Variants in ZNF226 observed in about 807,000 individuals in gnomAD.
The protein encoded by ZNF226 is Kruppel-associated box protein.
Under a neutral mutation model 11.4 loss-of-function variants are expected in ZNF226, and 6 were observed. The ratio of observed to expected loss-of-function variants is 0.53; its 90% confidence interval spans 0.29 to 1.04. The LOEUF is 1.04. Ranked by LOEUF, ZNF226 falls within the 50% of genes least tolerant of loss-of-function variation. The probability of loss-of-function intolerance (pLI) is 0.08; values close to 1 mark genes in which losing one functional copy is unlikely to be tolerated. For missense variants in ZNF226, 1,058 were observed against 956.5 expected, an observed-to-expected ratio of 1.11 and a Z score of -1.40; for synonymous variants, 350 against 322.8, an observed-to-expected ratio of 1.08 and a Z score of -0.90.
chr19:44,170,200 T>C, intron 3 of ZNF226, 105 bp downstream of exon 3: 1 of 1,135,636 alleles, frequency 8.8e-7, no homozygotes, highest in Non-Finnish European at 1.3e-6. Flanking sequence ...TCTGATGACC[T>C]GTTGAGTGTG....
At position 44,175,763 on chromosome 19, in the gene ZNF226, G is replaced by C; in HGVS notation, c.501G>C (p.Leu167Phe). 6.2e-7 allele frequency: 1 copy of C among 1,613,582 alleles called. No individual in the cohort carries two copies. The highest frequency in any genetic ancestry group is 8.5e-7 in the Non-Finnish European group (1 of 1,179,708). Residue 167 changes from leucine to phenylalanine, a missense_variant, in exon 6 of 6, where the codon TTG becomes TTC. Coordinates refer to ENST00000337433, the MANE Select transcript of ZNF226 (RefSeq NM_001032373.2). ...CTGGGAATCCAGAGTTTCCTATCTT[G>C]AGAACCCAGGATTCTTGGAGGAAAA... ...NNTGNPEFPI[L>F]RTQDSWRKTF...
At chr19:44,174,925 A>G (rs1970540729) in intron 5 of ZNF226, 1 of 1,504,616 alleles carries the variant, frequency 6.6e-7, no homozygotes. Context: ...CCCCTACCTC[A>G]GGTACAGCTT....
chr19:44,176,779 A>G lies in ZNF226; in HGVS notation c.1517A>G (p.Asn506Ser), dbSNP rs372362519. 35 of 1,613,978 alleles carry G rather than the reference A, an allele frequency of 2.2e-5. No individual in the cohort carries two copies. Among genetic ancestry groups the G allele is most frequent in the Middle Eastern group, 1.6e-4 (1 of 6,084 alleles). The change falls in exon 6 of 6, where the codon AAT (asparagine) becomes AGT (serine). Residue 506 changes from asparagine (N) to serine (S), a missense_variant. Transcript: ENST00000337433. ...VHTGEKPYKC[N>S]ECGKSFRRNS... ...ACTGGAGAGAAGCCATACAAATGCA[A>G]TGAGTGTGGGAAGAGCTTCAGGAGG...
intron 2 of ZNF226, among the ~76,000 whole-genome samples, chr19:44,167,140 C>T (rs1237214781): frequency 6.6e-6 from 1 of 152,146 alleles, no homozygotes; most frequent in Non-Finnish European, 1.5e-5. Context: ...AGATCTATTT[C>T]TCCCAGGCTT....
chr19:44,182,356 T>TACACACACAC (rs34630350), downstream of ZNF226, among the ~76,000 whole-genome samples: 2 of 151,156 alleles, frequency 1.3e-5, no homozygotes, highest in African/African-American at 4.9e-5. Flanking sequence ...CGCGCGTGCA[T>TACACACACAC]ACACACACAC....
At position 44,175,547 on chromosome 19, in the gene ZNF226, A is replaced by G. The variant is rs115481327; in HGVS notation, c.285A>G (p.Glu95=). ...TTACTGTTCAAGACAGAGAATCAGA[A>G]GAAGAGCTTTCTTGTTGGCAAATCT... is the stretch of plus-strand genomic sequence containing the variant. ...KLITVQDRES[E]EELSCWQIWQ... Residue 95 remains glutamate (E), a synonymous_variant, in exon 6 of 6, where the codon GAA becomes GAG. Transcript: ENST00000337433. 1.5e-3 allele frequency: 2,456 copies of G among 1,612,340 alleles called. 34 individuals carry two copies. The African/African-American group carries it at 0.029, about 19-fold the overall frequency.
rs1256175331 is a variant in ZNF226, at chr19:44,175,671, G to C, written c.409G>C (p.Glu137Gln). 6 of 1,613,236 alleles carry C rather than the reference G, an allele frequency of 3.7e-6. No homozygotes were observed. The highest frequency in any genetic ancestry group is 5.1e-6 in the Non-Finnish European group (6 of 1,179,684). ...QGDFPYQVGT[E>Q]LSIQISEDEN... ...TGATTTCCCTTACCAGGTAGGGACA[G>C]AACTGTCTATTCAAATTTCTGAAGA... The change falls in exon 6 of 6, where the codon GAA becomes CAA. Residue 137 changes from glutamate to glutamine, a missense_variant. Transcript: ENST00000337433.
At chr19:44,165,477 AAAAT>A (rs1329842420) in intron 1 of ZNF226, 1 of 152,166 alleles carries the variant, frequency 6.6e-6, no homozygotes, top group African/African-American at 2.4e-5. Context: ...GTTCTGAAGG[AAAAT>A]AAAAGCAAAA....
intron 5 of ZNF226, 28 bp downstream of exon 5, chr19:44,172,980 A>G (rs1457987945): frequency 6.4e-7 from 1 of 1,555,472 alleles, no homozygotes; most frequent in South Asian, 1.2e-5. Flanking sequence ...ATGAGTTCTT[A>G]TAGTTAACTG....
chr19:44,189,250 T>G, the ZNF226 span, among the ~76,000 whole-genome samples: 2 of 152,328 alleles, frequency 1.3e-5, no homozygotes, highest in East Asian at 1.9e-4. Flanking sequence ...GAAGTAAAAT[T>G]TATACTAATA....
the ZNF226 span, among the ~76,000 whole-genome samples, chr19:44,191,878 C>T: frequency 7.9e-5 from 12 of 152,068 alleles, no homozygotes; most frequent in Non-Finnish European, 1.5e-4. Flanking sequence ...GTTTCCTAGG[C>T]CAGCTATCAA....
chr19:44,194,484 GC>G, the ZNF226 span, among the ~76,000 whole-genome samples: 2 of 152,042 alleles, frequency 1.3e-5, no homozygotes, highest in South Asian at 4.2e-4. Context: ...TTGTTATGTT[GC>G]CCAGGCTGGT....
chr19:44,177,281 T>A lies in ZNF226; in HGVS notation c.2019T>A (p.Cys673Ter). 1.9e-6 allele frequency: 3 copies of A among 1,614,070 alleles called. No homozygotes were observed. The highest frequency in any genetic ancestry group is 2.5e-6 in the Non-Finnish European group (3 of 1,180,004). The change falls in exon 6 of 6, where the codon TGT (cysteine) becomes TGA (stop). Residue 673 changes from cysteine to a stop codon, truncating the protein, a stop_gained. Transcript: ENST00000337433. LOFTEE classifies it low-confidence loss of function (END_TRUNC). ...KVHTGDKPYKCDECGKGFKWS... is the reference protein window; with the variant it reads ...KVHTGDKPYK ...ACACTGGAGATAAGCCATACAAATG[T>A]GATGAGTGTGGGAAGGGCTTCAAGT...
chr19:44,172,089 A>C lies in ZNF226; in HGVS notation c.17A>C (p.Glu6Ala). 3.7e-6 allele frequency: 6 copies of C among 1,611,166 alleles called. No homozygotes were observed. Among genetic ancestry groups the C allele is most frequent in the Non-Finnish European group, 5.1e-6 (6 of 1,178,084 alleles). MNMFK[E>A]AVTFKDVAVA... ...TGAGGTCATTTGTTTTTGTCGTAGG[A>C]AGCAGTGACCTTCAAGGACGTGGCT... is the stretch of plus-strand genomic sequence containing the variant. Residue 6 changes from glutamate to alanine, a missense_variant and splice_region_variant, in exon 4 of 6, where the codon GAA (glutamate) becomes GCA (alanine). Physicochemically the swap from Glu to Ala is moderately radical, Grantham distance 107. Transcript: ENST00000337433.
Position 44,175,789 on chromosome 19 carries a change from C to T in ZNF226, c.527C>T (p.Thr176Ile), listed in dbSNP as rs1244046497. Residue 176 changes from threonine to isoleucine, a missense_variant, in exon 6 of 6, where the codon ACA becomes ATA. Physicochemically the swap from Thr to Ile is moderately conservative, Grantham distance 89. Transcript: ENST00000337433. Reference protein sequence around the residue: ...ILRTQDSWRKTFLTESQRLNR... With the variant: ...ILRTQDSWRKIFLTESQRLNR... ...AGAACCCAGGATTCTTGGAGGAAAACATTCCTGACTGAGTCACAGAGATTG... is the reference window on the plus strand; with the variant it reads ...AGAACCCAGGATTCTTGGAGGAAAATATTCCTGACTGAGTCACAGAGATTG... 2.5e-6 allele frequency: 4 copies of T among 1,613,722 alleles called. No individual in the cohort carries two copies. The highest frequency in any genetic ancestry group is 3.4e-6 in the Non-Finnish European group (4 of 1,179,810).
chr19:44,176,492 AAG>A lies in ZNF226; in HGVS notation c.1233_1234del (p.Arg411SerfsTer11). The A allele has an allele frequency of 6.2e-7, 1 of 1,613,766 alleles. No homozygotes were observed. Among genetic ancestry groups the A allele is most frequent in the Non-Finnish European group, 8.5e-7 (1 of 1,179,884 alleles). On this transcript the variant is annotated frameshift_variant, in exon 6 of 6. Coordinates refer to ENST00000337433, the MANE Select transcript of ZNF226 (RefSeq NM_001032373.2). LOFTEE classifies it low-confidence loss of function (END_TRUNC). ...SRNSHLQSHQ[R>X]VHTGEKPYKC... ...GGAATTCACATCTTCAATCCCATCA[AAG>A]AGTTCATACAGGAGAGAAACCATAC... is the stretch of plus-strand genomic sequence containing the variant.
the ZNF226 span, among the ~76,000 whole-genome samples, chr19:44,198,873 C>T: frequency 9.2e-5 from 14 of 151,864 alleles, no homozygotes; most frequent in African/African-American, 2.7e-4. Context: ...GGTGCGATCT[C>T]GGCTCACTGC....
the ZNF226 span, among the ~76,000 whole-genome samples, chr19:44,184,936 C>T: frequency 3.3e-5 from 5 of 152,310 alleles, no homozygotes; most frequent in East Asian, 7.7e-4. Context: ...CCCCCTCCTC[C>T]CAGCCCCTGG....
downstream of ZNF226, among the ~76,000 whole-genome samples, chr19:44,181,917 G>A (rs375590200): frequency 1.5e-3 from 227 of 152,226 alleles, no homozygotes; most frequent in African/African-American, 5.1e-3. Flanking sequence ...TAGAAAATAC[G>A]ACCATGAGGA....
Sources: allele counts gnomAD v4.1 joint callset (sites outside exome capture counted in the v4.1 genomes callset), GRCh38; gene constraint gnomAD v4.1.1; transcripts MANE v1.5; gene names NCBI Gene and HGNC (gene_info 2026-07-23, HGNC 2026-07-21).